DPP10: variants seen among roughly 807,000 people sequenced by gnomAD.
The protein encoded by DPP10 is inactive dipeptidyl peptidase 10.
Under a neutral mutation model 120.9 loss-of-function variants are expected in DPP10, and 33 were observed. The ratio of observed to expected loss-of-function variants is 0.27; its 90% CI spans 0.21 to 0.37. The LOEUF is 0.37. Among genes scored for constraint, DPP10 ranks in the 10% least tolerant of loss-of-function variants. The probability of loss-of-function intolerance (pLI) is 1.00; values close to 1 mark genes in which losing one functional copy is unlikely to be tolerated. For synonymous variants in DPP10, 337 were observed against 326.1 expected (o/e 1.03, Z -0.36); for missense variants, 816 against 942.8 (o/e 0.87, Z 1.76).
intron 1 of DPP10, among the ~76,000 whole-genome samples, chr2:115,293,159 G>A (rs1485553277): frequency 2.0e-5 from 3 of 152,106 alleles, no homozygotes; most frequent in Non-Finnish European, 2.9e-5. Context: ...AAAGAAAAAT[G>A]GCCTTGCAGC....
At chr2:115,225,626 A>G (rs1397410698) in intron 1 of DPP10, among the ~76,000 whole-genome samples, 5 of 151,994 alleles carry the variant, frequency 3.3e-5, no homozygotes, top group African/African-American at 4.8e-5. Context: ...ATGGGTATCA[A>G]TGAAGTTTCC....
At chr2:115,516,656 C>A (rs1263076856) in intron 4 of DPP10, among the ~76,000 whole-genome samples, 1 of 146,904 alleles carries the variant, frequency 6.8e-6, no homozygotes, top group African/African-American at 2.5e-5. Context: ...TTGCTTGCAT[C>A]CTGTATCTGT....
chr2:114,582,299 T>C (rs1249953258), intron 1 of DPP10, among the ~76,000 whole-genome samples: 3 of 152,242 alleles, frequency 2.0e-5, no homozygotes, highest in Admixed American at 2.0e-4. Context: ...TGCTGAATAA[T>C]ATTCCATTGT....
At chr2:115,415,427 GT>G (rs766043059) in intron 3 of DPP10, among the ~76,000 whole-genome samples, 2 of 152,066 alleles carry the variant, frequency 1.3e-5, no homozygotes, top group African/African-American at 2.4e-5. Flanking sequence ...ATCAATAGTT[GT>G]TTCTACAGAG....
chr2:115,345,233 TAATG>T (rs1203084917), intron 3 of DPP10, among the ~76,000 whole-genome samples: 3 of 152,352 alleles, frequency 2.0e-5, no homozygotes, highest in South Asian at 4.1e-4. Flanking sequence ...GCGTTTTTCT[TAATG>T]AATCTGTATA....
chr2:114,974,863 G>T (rs1051573689), intron 1 of DPP10, among the ~76,000 whole-genome samples: 4 of 151,956 alleles, frequency 2.6e-5, no homozygotes, highest in African/African-American at 9.7e-5. Context: ...ACTGTAAAAT[G>T]ATAGTAAGAA....
At chr2:114,651,829 C>G (rs1696608797) in intron 1 of DPP10, among the ~76,000 whole-genome samples, 1 of 152,098 alleles carries the variant, frequency 6.6e-6, no homozygotes, top group African/African-American at 2.4e-5. Context: ...GAGTCATGAA[C>G]AAGAGAGCAG....
At chr2:114,744,325 G>A (rs1456798469) in intron 1 of DPP10, among the ~76,000 whole-genome samples, 2 of 152,306 alleles carry the variant, frequency 1.3e-5, no homozygotes, top group Middle Eastern at 3.4e-3. Context: ...TATCTAAGGA[G>A]ACTATTGGAA....
At chr2:115,336,827 A>T (rs1032866056) in intron 2 of DPP10, among the ~76,000 whole-genome samples, 2 of 151,994 alleles carry the variant, frequency 1.3e-5, no homozygotes, top group African/African-American at 4.8e-5. Context: ...TTACAATCTA[A>T]TATTTTTTTC....
chr2:114,987,804 C>T (rs200258178), intron 1 of DPP10, among the ~76,000 whole-genome samples: 14 of 101,024 alleles, frequency 1.4e-4, no homozygotes, highest in African/African-American at 2.7e-4. Flanking sequence ...TGGAGACTGT[C>T]TTTTTTTTTT....
At chr2:114,607,539 G>A (rs1692918898) in intron 1 of DPP10, among the ~76,000 whole-genome samples, 1 of 151,996 alleles carries the variant, frequency 6.6e-6, no homozygotes, top group Non-Finnish European at 1.5e-5. Context: ...TCTTAATATT[G>A]CCCATTTTCT....
At chr2:114,788,328 A>G (rs1257707248) in intron 1 of DPP10, among the ~76,000 whole-genome samples, 1 of 152,196 alleles carries the variant, frequency 6.6e-6, no homozygotes, top group Admixed American at 6.5e-5. Context: ...AAATATATGT[A>G]TATAAATTAT....
chr2:115,133,145 G>GTGTGTATATATATATATATATA (rs1338395575), intron 1 of DPP10, among the ~76,000 whole-genome samples: 2 of 28,762 alleles, frequency 7.0e-5, no homozygotes, highest in African/African-American at 2.5e-4. Context: ...GTGTGTGTGT[G>GTGTGTATATATATATATATATA]TATATATATA....
intron 5 of DPP10, among the ~76,000 whole-genome samples, chr2:115,560,284 T>C (rs2080487497): frequency 7.3e-6 from 1 of 136,370 alleles, no homozygotes; most frequent in South Asian, 2.5e-4. Context: ...GGCAGGAGAA[T>C]GGCGTGAACC....
At chr2:114,699,950 T>C (rs978933554) in intron 1 of DPP10, among the ~76,000 whole-genome samples, 4 of 152,046 alleles carry the variant, frequency 2.6e-5, no homozygotes, top group African/African-American at 7.2e-5. Flanking sequence ...TTGAAAGACA[T>C]AGGAACTTTA....
intron 10 of DPP10, among the ~76,000 whole-genome samples, chr2:115,752,190 C>CATG (rs1201442099): frequency 1.3e-5 from 2 of 152,166 alleles, no homozygotes; most frequent in Non-Finnish European, 2.9e-5. Flanking sequence ...TGAGATTGGG[C>CATG]ATGTTCAGGA....
At chr2:115,517,294 A>G (rs929628900) in intron 4 of DPP10, among the ~76,000 whole-genome samples, 2 of 152,304 alleles carry the variant, frequency 1.3e-5, no homozygotes, top group African/African-American at 4.8e-5. Flanking sequence ...TTAAAGTGCA[A>G]GTTTAGTAAA....
intron 1 of DPP10, among the ~76,000 whole-genome samples, chr2:115,216,116 A>G (rs2056802180): frequency 6.6e-6 from 1 of 152,158 alleles, no homozygotes; most frequent in African/African-American, 2.4e-5. Context: ...ACACATGGAC[A>G]GAAAGAGTAG....
In DPP10 at chr2:114,559,484, C is replaced by A. The variant is rs114546218; in HGVS notation, c.60+116646C>A. On this transcript the variant is annotated intron_variant, in intron 1 of 25. Coordinates refer to ENST00000410059, the MANE Select transcript of DPP10 (RefSeq NM_020868.6). ...ACTGAAATCCATTTTGGACTTCTGA[C>A]CTTCAGAGCTGTAGATAATACATTT... Among the ~76,000 whole-genome samples, 341 of 152,326 alleles carry A rather than the reference C, an allele frequency of 2.2e-3. 4 individuals are homozygous for A. Among genetic ancestry groups the A allele is most frequent in the African/African-American group, 7.8e-3 (326 of 41,584 alleles).
Sources: gnomAD v4.1 joint callset for allele counts (sites outside exome capture counted in the v4.1 genomes callset) on GRCh38, gnomAD v4.1.1 for gene constraint, MANE v1.5 for transcripts, NCBI Gene and HGNC (gene_info 2026-07-23, HGNC 2026-07-21) for gene names.